WASHC2A: variants seen among roughly 807,000 people sequenced by gnomAD.
WASHC2A encodes the protein WASH complex subunit 2A.
WASHC2A carries 82 observed loss-of-function variants against 140.3 expected under a neutral mutation model. That is an observed-to-expected ratio of 0.58 (90% CI 0.49 to 0.70). The LOEUF (loss-of-function observed/expected upper bound fraction) is 0.70. Ranked by LOEUF, WASHC2A falls within the 30% of genes least tolerant of loss-of-function variation. The pLI, the probability that WASHC2A is intolerant of heterozygous loss-of-function variation, is 0.00. For missense variants in WASHC2A, 985 were observed against 1,521.8 expected, an observed-to-expected ratio of 0.65 and a Z score of 5.87; for synonymous variants, 340 against 560.8, an observed-to-expected ratio of 0.61 and a Z score of 5.56.
intron 10 of WASHC2A, 30 bp downstream of exon 10, chr10:50,091,548 G>A: frequency 1.3e-6 from 2 of 1,548,550 alleles, no homozygotes; most frequent in African/African-American, 1.4e-5. Context: ...ATGGGGAGTA[G>A]GGGGGGAGTA....
chr10:50,110,202 G>A lies in WASHC2A; in HGVS notation c.1971G>A (p.Lys657=). ...DSGTLQSQEA[K]AVKKTSLFEE... is the part of the protein sequence containing the mutation. ...GGACCCTCCAGAGCCAGGAGGCCAA[G>A]GCTGTGAAAAAGACCAGTCTCTTTG... Residue 657 remains lysine (K), a synonymous_variant, in exon 20 of 31, where the codon AAG becomes AAA. Coordinates refer to ENST00000282633, the MANE Select transcript of WASHC2A (RefSeq NM_001005751.3). 6.2e-7 allele frequency: 1 copy of A among 1,611,756 alleles called. No homozygotes were observed.
At chr10:50,068,751 C>G (rs1173674108) in intron 2 of WASHC2A, among the ~76,000 whole-genome samples, 4 of 149,762 alleles carry the variant, frequency 2.7e-5, no homozygotes, top group Non-Finnish European at 4.5e-5. Context: ...GGGTTTTGCC[C>G]TGTCGCCCAG....
At chr10:50,125,762 G>A (rs1843371834) in intron 25 of WASHC2A, among the ~76,000 whole-genome samples, 1 of 152,132 alleles carries the variant, frequency 6.6e-6, no homozygotes, top group African/African-American at 2.4e-5. Flanking sequence ...CTAAATATTC[G>A]TGCCTTTCAG....
intron 29 of WASHC2A, 140 bp from the exon 30 acceptor site, chr10:50,130,761 T>C: frequency 2.3e-6 from 3 of 1,324,622 alleles, no homozygotes; most frequent in Non-Finnish European, 3.1e-6. Context: ...TCTGGGGTAG[T>C]GCATCCCAGG....
At chr10:50,091,654 A>C in intron 10 of WASHC2A, 136 bp downstream of exon 10, 3 of 984,246 alleles carry the variant, frequency 3.0e-6, no homozygotes. Flanking sequence ...TATAATTTAA[A>C]TTGTAGCGCT....
chr10:50,114,547 G>A (rs1325268998), intron 21 of WASHC2A, among the ~76,000 whole-genome samples: 12 of 140,368 alleles, frequency 8.5e-5, no homozygotes, highest in East Asian at 2.0e-4. Flanking sequence ...AAAAAAAAGC[G>A]TAAACACGTA....
chr10:50,107,774 A>T (rs1347324316), intron 19 of WASHC2A, among the ~76,000 whole-genome samples: 5 of 140,906 alleles, frequency 3.5e-5, no homozygotes, highest in Middle Eastern at 3.5e-3. Context: ...ATACAAAAAA[A>T]TTAGCAGGTT....
intron 17 of WASHC2A, among the ~76,000 whole-genome samples, chr10:50,103,192 A>G (rs1182442426): frequency 2.0e-5 from 3 of 151,938 alleles, no homozygotes; most frequent in African/African-American, 4.8e-5. Context: ...CTGGTTTGCA[A>G]TGTCATATAC....
At chr10:50,072,711 A>T (rs192545891) in intron 3 of WASHC2A, among the ~76,000 whole-genome samples, 72 of 152,022 alleles carry the variant, frequency 4.7e-4, no homozygotes, top group Admixed American at 3.6e-3. Context: ...GATGGTCTCG[A>T]TCTCCTGACC....
At position 50,092,719 on chromosome 10, in the gene WASHC2A, G is replaced by A. The variant is rs1337733411; in HGVS notation, c.1003+486G>A. On this transcript the variant is annotated intron_variant, in intron 11 of 30. Coordinates refer to ENST00000282633, the MANE Select transcript of WASHC2A (RefSeq NM_001005751.3). ...TGCTGGGAGGATATGTGGGTGTGGAGTAAAAATTCCTGTAGAGATTTGATT... is the reference window on the plus strand; with the variant it reads ...TGCTGGGAGGATATGTGGGTGTGGAATAAAAATTCCTGTAGAGATTTGATT... 3.3e-5 allele frequency among the ~76,000 whole-genome samples: 5 copies of A among 151,500 alleles called. No homozygotes were observed. The East Asian group carries it at 7.9e-4, about 24-fold the overall frequency.
chr10:50,092,165 T>A lies in WASHC2A; in HGVS notation c.935T>A (p.Leu312Ter). The change falls in exon 11 of 31, where the codon TTA becomes TAA. Residue 312 changes from leucine to a stop codon, truncating the protein, a stop_gained. Coordinates refer to ENST00000282633, the MANE Select transcript of WASHC2A (RefSeq NM_001005751.3). LOFTEE classifies it high-confidence loss of function. Reference protein sequence around the residue: ...VGRVDEEPTTLPSGEAKPRKT... With the variant: ...VGRVDEEPTT ...AAACTGTGAACTGTTCTTCAAGCCT[T>A]ACCCTCAGGAGAAGCAAAACCTCGG... is the stretch of plus-strand genomic sequence containing the variant. 4.4e-6 allele frequency: 7 copies of A among 1,584,302 alleles called. No individual in the cohort carries two copies. Among genetic ancestry groups the A allele is most frequent in the Non-Finnish European group, 5.2e-6 (6 of 1,160,546 alleles).
At chr10:50,126,572 T>C in intron 26 of WASHC2A, 2 of 276,430 alleles carry the variant, frequency 7.2e-6, no homozygotes, top group South Asian at 8.1e-5. Flanking sequence ...TCTCCCAAGG[T>C]CATTGCTGTT....
intron 19 of WASHC2A, 39 bp from the exon 20 acceptor site, chr10:50,110,062 G>T: frequency 4.4e-6 from 7 of 1,573,892 alleles, no homozygotes; most frequent in South Asian, 1.1e-5. Flanking sequence ...GAGCCACTGC[G>T]CCTGGCCTGG....
rs1327455543 is a variant in WASHC2A at position 50,127,954 on chromosome 10, C to A, written c.3087+159C>A. On this transcript the variant is annotated intron_variant, in intron 28 of 30. Transcript: ENST00000282633. ...GCCACTCCCCACTCCATTCTCCCCA[C>A]CCCCCTCATCCTGCACCTGCTTTTC... Among the ~76,000 whole-genome samples, 5 of 152,096 alleles carry A rather than the reference C, an allele frequency of 3.3e-5. No homozygotes were observed. In the East Asian group the frequency reaches 9.7e-4, roughly 29 times the overall value.
In WASHC2A at chr10:50,101,750, G is replaced by A. The variant is rs555116891; in HGVS notation, c.1635+1686G>A. The stretch of plus-strand genomic sequence containing the variant: ...AGTTTTGTTGTCTCACAGTTCGAGA[G>A]GTTGACTGGGCTTAGCTAGGCCATT... On this transcript the variant is annotated intron_variant, in intron 17 of 30. Coordinates refer to ENST00000282633, the MANE Select transcript of WASHC2A (RefSeq NM_001005751.3). 2.6e-5 allele frequency among the ~76,000 whole-genome samples: 4 copies of A among 151,912 alleles called. No homozygotes were observed. The East Asian group carries it at 7.7e-4, about 29-fold the overall frequency.
At chr10:50,132,741 A>G (rs1844091843) in intron 30 of WASHC2A, 65 bp from the exon 31 acceptor site, 34 of 1,611,886 alleles carry the variant, frequency 2.1e-5, no homozygotes, top group South Asian at 1.1e-5. Flanking sequence ...GTTTGCTTGC[A>G]TGTGTCTTAA....
At chr10:50,130,144 A>G (rs529269673) in intron 29 of WASHC2A, 105 bp downstream of exon 29, 176 of 1,392,944 alleles carry the variant, frequency 1.3e-4, no homozygotes, top group Admixed American at 7.2e-4. Context: ...TGCATACCCC[A>G]TAGCCACTTG....
At chr10:50,084,814 C>A (rs1839248102) in intron 6 of WASHC2A, among the ~76,000 whole-genome samples, 1 of 149,484 alleles carries the variant, frequency 6.7e-6, no homozygotes, top group East Asian at 2.0e-4. Flanking sequence ...TGGCTCACTG[C>A]AACCTCCACC....
At position 50,085,495 on chromosome 10, in the gene WASHC2A, A is replaced by G; in HGVS notation, c.623-2A>G. Reference sequence around the variant, plus strand: ...GGTGACCCTTATCTCTCTTCTCAACAGAAGGCTCTGTAGGCAGTGATCGTG... The same window carrying G: ...GGTGACCCTTATCTCTCTTCTCAACGGAAGGCTCTGTAGGCAGTGATCGTG... On this transcript the variant is annotated splice_acceptor_variant, in intron 6 of 30. Coordinates refer to ENST00000282633, the MANE Select transcript of WASHC2A (RefSeq NM_001005751.3). LOFTEE classifies it high-confidence loss of function. The G allele has an allele frequency of 2.5e-6, 1 of 395,200 alleles. No homozygotes were observed. Among genetic ancestry groups the G allele is most frequent in the South Asian group, 2.7e-5 (1 of 37,240 alleles). 24.5% of individuals were successfully genotyped at this position (395,200 alleles called of 1,614,324 possible).
Sources: allele counts gnomAD v4.1 joint callset (sites outside exome capture counted in the v4.1 genomes callset), GRCh38; gene constraint gnomAD v4.1.1; transcripts MANE v1.5; gene names NCBI Gene and HGNC (gene_info 2026-07-23, HGNC 2026-07-21).